OSBP: variants seen among roughly 807,000 people sequenced by gnomAD.
OSBP encodes oxysterol binding protein.
OSBP carries 32 observed loss-of-function variants against 96.6 expected under a neutral mutation model. That is an observed-to-expected ratio of 0.33 (90% CI 0.25 to 0.45). The LOEUF is 0.45. Among genes scored for constraint, OSBP ranks in the 20% least tolerant of loss-of-function variants. The pLI is 1.00. For missense variants in OSBP, 653 were observed against 1,029.7 expected (o/e 0.63, Z 5.01); for synonymous variants, 369 against 389.6 (o/e 0.95, Z 0.62).
At chr11:59,601,258 G>A (rs563744005) in intron 5 of OSBP, 25 bp downstream of exon 5, 3 of 1,283,962 alleles carry the variant, frequency 2.3e-6, no homozygotes, top group Admixed American at 1.7e-5. Flanking sequence ...ATGTTTATTT[G>A]CTTCAACAAT....
At position 59,574,422 on chromosome 11, in the gene OSBP, T is replaced by C. The variant is rs1298708498; in HGVS notation, c.*2155A>G. 1 of 150,580 alleles carries C rather than the reference T, an allele frequency of 6.6e-6. No homozygotes were observed. Among genetic ancestry groups the C allele is most frequent in the African/African-American group, 2.5e-5 (1 of 40,016 alleles). 9.3% of individuals were successfully genotyped at this position (150,580 alleles called of 1,614,324 possible). On this transcript the variant is annotated 3_prime_UTR_variant, in exon 14 of 14. Transcript: ENST00000263847. ...ATGACTTTTAAAAAATTATTTAATT[T>C]AGTAGTTTTTTTTTTTTGGAAAAAA...
At chr11:59,608,828 C>T in intron 2 of OSBP, 94 bp from the exon 3 acceptor site, 1 of 1,249,916 alleles carries the variant, frequency 8.0e-7, no homozygotes, top group South Asian at 1.3e-5. Context: ...CAACATTCCT[C>T]ATGCTGTGTG....
chr11:59,604,216 C>T (rs1478683007), intron 3 of OSBP, among the ~76,000 whole-genome samples: 1 of 151,862 alleles, frequency 6.6e-6, no homozygotes, highest in Non-Finnish European at 1.5e-5. Flanking sequence ...GCACTTAGAA[C>T]CACATTAGGC....
intron 9 of OSBP, among the ~76,000 whole-genome samples, chr11:59,586,614 G>A (rs1860502732): frequency 6.6e-6 from 1 of 152,082 alleles, no homozygotes; most frequent in East Asian, 1.9e-4. Context: ...CAAAGCTAGA[G>A]GACTCAAACT....
In OSBP at chr11:59,600,476, CCA is replaced by C. The variant is rs1860709580; in HGVS notation, c.1311+18_1311+19del. 1.9e-6 allele frequency: 3 copies of C among 1,612,412 alleles called. No individual in the cohort carries two copies. Among genetic ancestry groups the C allele is most frequent in the Non-Finnish European group, 2.5e-6 (3 of 1,179,256 alleles). ...TTGAGAGGAACTCCTGGCAGCAGCT[CCA>C]GTGTGCAAGAACCTTACCGGCATGG... On this transcript the variant is annotated intron_variant, in intron 7 of 13. Transcript: ENST00000263847.
chr11:59,576,768 T>C (rs761810027), intron 13 of OSBP, 37 bp downstream of exon 13: 13 of 1,612,910 alleles, frequency 8.1e-6, no homozygotes, highest in East Asian at 2.2e-5. Context: ...GCATTCTCCA[T>C]GCATCAAGAA....
chr11:59,600,848 C>A lies in OSBP; in HGVS notation c.1150G>T (p.Ala384Ser). Reference protein sequence around the residue: ...HKRTGSNISGASSDISLDEQY... With the variant: ...HKRTGSNISGSSSDISLDEQY... ...TCATCAAGGCTGATGTCACTGCTGG[C>A]TCCACTGATATTGCTGCCAGTACGT... Residue 384 changes from alanine to serine, a missense_variant, in exon 6 of 14, where the codon GCC becomes TCC. By Grantham distance (99) the Ala-to-Ser change is moderately conservative. Around this residue, in one of 6 missense-constraint regions of OSBP, gnomAD observed 308 missense variants for 573.1 expected, o/e 0.54. Coordinates refer to ENST00000263847, the MANE Select transcript of OSBP (RefSeq NM_002556.3). The A allele has an allele frequency of 6.2e-7, 1 of 1,613,780 alleles. No homozygotes were observed. The highest frequency in any genetic ancestry group is 8.5e-7 in the Non-Finnish European group (1 of 1,179,880).
At chr11:59,588,500 C>T (rs1368771728) in intron 9 of OSBP, among the ~76,000 whole-genome samples, 1 of 148,382 alleles carries the variant, frequency 6.7e-6, no homozygotes, top group South Asian at 2.1e-4. Flanking sequence ...CATGCCACTG[C>T]ACTCCAGCCT....
At position 59,576,198 on chromosome 11, in the gene OSBP, C is replaced by G. The variant is rs576137042; in HGVS notation, c.*379G>C. The G allele has an allele frequency of 5.8e-6, 1 of 173,322 alleles. No individual in the cohort carries two copies. The highest frequency in any genetic ancestry group is 2.4e-5 in the African/African-American group (1 of 42,264). 10.7% of individuals were successfully genotyped at this position (173,322 alleles called of 1,614,324 possible). ...TAACAGCACCAAAATGCCCCTGAAT[C>G]ATAATCTTAGGCAGATCTTGGCTGA... On this transcript the variant is annotated 3_prime_UTR_variant, in exon 14 of 14. Transcript: ENST00000263847.
At chr11:59,589,939 C>T (rs57004175) in intron 9 of OSBP, among the ~76,000 whole-genome samples, 4,141 of 151,958 alleles carry the variant, frequency 0.027, 183 homozygotes, top group African/African-American at 0.094. Context: ...GCCGAGATTG[C>T]GCCACTGCAC....
intron 2 of OSBP, among the ~76,000 whole-genome samples, chr11:59,609,557 A>G (rs1860820130): frequency 6.6e-6 from 1 of 152,130 alleles, no homozygotes; most frequent in Non-Finnish European, 1.5e-5. Context: ...TCAAAATATA[A>G]CTTACTACCA....
chr11:59,576,709 A>G lies in OSBP; in HGVS notation c.2292T>C (p.Tyr764=), dbSNP rs746668560. 3.7e-6 allele frequency: 6 copies of G among 1,613,534 alleles called. No homozygotes were observed. Among genetic ancestry groups the G allele is most frequent in the Middle Eastern group, 3.3e-4 (2 of 6,058 alleles). The change falls in exon 14 of 14, where the codon TAT becomes TAC. Residue 764 remains tyrosine (Y), a synonymous_variant. Coordinates refer to ENST00000263847, the MANE Select transcript of OSBP (RefSeq NM_002556.3). ...CAAACCACAGTGCCTTATAGGGATC[A>G]TATGGTGTGCCTAAAAGGAAAAGAG... is the stretch of plus-strand genomic sequence containing the variant. ...AMKATEDGTP[Y]DPYKALWFER...
At chr11:59,578,383 T>C in intron 11 of OSBP, 53 bp from the exon 12 acceptor site, 2 of 1,542,744 alleles carry the variant, frequency 1.3e-6, no homozygotes, top group Non-Finnish European at 1.8e-6. Flanking sequence ...GTGAATTAGC[T>C]TACCTGACTA....
chr11:59,588,166 G>C (rs1029307208), intron 9 of OSBP, among the ~76,000 whole-genome samples: 5 of 152,194 alleles, frequency 3.3e-5, no homozygotes, highest in African/African-American at 1.2e-4. Context: ...CCACTTATAG[G>C]AGATAATTAA....
At chr11:59,609,486 A>G (rs954956627) in intron 2 of OSBP, among the ~76,000 whole-genome samples, 4 of 141,068 alleles carry the variant, frequency 2.8e-5, no homozygotes, top group African/African-American at 2.6e-5. Context: ...TAAAAGCAAG[A>G]AAAAAAAAAA....
At position 59,575,325 on chromosome 11, in the gene OSBP, T is replaced by C. The variant is rs1023528888; in HGVS notation, c.*1252A>G. ...AGTAGGCACCCCATGATACAAACCA[T>C]GGACAAAGTCCCTGTTTAGTAACTG... On this transcript the variant is annotated 3_prime_UTR_variant, in exon 14 of 14. Coordinates refer to ENST00000263847, the MANE Select transcript of OSBP (RefSeq NM_002556.3). 6.6e-6 allele frequency: 1 copy of C among 152,168 alleles called. No homozygotes were observed. Among genetic ancestry groups the C allele is most frequent in the Non-Finnish European group, 1.5e-5 (1 of 68,030 alleles). 9.4% of individuals were successfully genotyped at this position (152,168 alleles called of 1,614,324 possible).
At chr11:59,579,335 CT>C (rs760297069) in intron 11 of OSBP, among the ~76,000 whole-genome samples, 294 of 141,556 alleles carry the variant, frequency 2.1e-3, no homozygotes, top group Admixed American at 2.3e-3. Flanking sequence ...TTCTTTCTTT[CT>C]TTTTTTTTTT....
chr11:59,609,614 T>C (rs902550626), intron 2 of OSBP, among the ~76,000 whole-genome samples: 4 of 151,978 alleles, frequency 2.6e-5, no homozygotes, highest in African/African-American at 9.7e-5. Flanking sequence ...TGAATGAACA[T>C]ACAGTATGGG....
chr11:59,613,098 A>G (rs1258599035), intron 1 of OSBP, among the ~76,000 whole-genome samples: 1 of 152,236 alleles, frequency 6.6e-6, no homozygotes, highest in African/African-American at 2.4e-5. Flanking sequence ...GAGGAAGATG[A>G]GGACCAGAAG....
Sources: allele counts gnomAD v4.1 joint callset (sites outside exome capture counted in the v4.1 genomes callset), GRCh38; gene constraint gnomAD v4.1.1; regional missense constraint gnomAD v4.1.1; transcripts MANE v1.5; gene names NCBI Gene and HGNC (gene_info 2026-07-23, HGNC 2026-07-21).